Variants in PDE1A observed in about 807,000 individuals in gnomAD.
PDE1A encodes dual specificity calcium/calmodulin-dependent 3',5'-cyclic nucleotide phosphodiesterase 1A.
PDE1A carries 35 observed loss-of-function variants against 61.7 expected under a neutral mutation model. The ratio of observed to expected loss-of-function variants is 0.57; its 90% CI spans 0.43 to 0.75. The LOEUF (loss-of-function observed/expected upper bound fraction) is 0.75. Among genes scored for constraint, PDE1A ranks in the 30% least tolerant of loss-of-function variants. The probability of loss-of-function intolerance (pLI) is 0.00; values close to 1 mark genes in which losing one functional copy is unlikely to be tolerated. For synonymous variants in PDE1A, 232 were observed against 213.2 expected (o/e 1.09, Z -0.77); for missense variants, 597 against 630.6 (o/e 0.95, Z 0.57).
At chr2:182,282,553 A>T (rs557407685) in intron 1 of PDE1A, among the ~76,000 whole-genome samples, 1 of 152,174 alleles carries the variant, frequency 6.6e-6, no homozygotes, top group African/African-American at 2.4e-5. Flanking sequence ...TGCATGCAAC[A>T]CACTCAAACA....
At position 182,232,236 on chromosome 2, in the gene PDE1A, C is replaced by T. The variant is rs1379230106; in HGVS notation, c.418-1105G>A. ...GCAGGGATATAAACCACTCCAGCCA[C>T]CTCATGATTTTGCTTTGAAAATCTA... On this transcript the variant is annotated intron_variant, in intron 4 of 13. Transcript: ENST00000351439. 4.6e-5 allele frequency among the ~76,000 whole-genome samples: 7 copies of T among 152,168 alleles called. 1 individual carries two copies. Among genetic ancestry groups the T allele is most frequent in the Admixed American group, 3.3e-4 (5 of 15,272 alleles).
At chr2:182,651,005 GT>G in the PDE1A span, among the ~76,000 whole-genome samples, 2 of 151,982 alleles carry the variant, frequency 1.3e-5, no homozygotes, top group African/African-American at 4.8e-5. Context: ...TTTTTGTTTT[GT>G]TTTGTTTTGT....
intron 2 of PDE1A, among the ~76,000 whole-genome samples, chr2:182,516,003 T>TA (rs1553636540): frequency 7.6e-6 from 1 of 131,980 alleles, no homozygotes; most frequent in Non-Finnish European, 1.6e-5. Flanking sequence ...TGTGTGTGTG[T>TA]TGGGTGAGGA....
chr2:182,667,164 T>G, the PDE1A span, among the ~76,000 whole-genome samples: 1 of 152,150 alleles, frequency 6.6e-6, no homozygotes, highest in Non-Finnish European at 1.5e-5. Flanking sequence ...ACCTGCAGTT[T>G]CTGTTTTATA....
At chr2:182,184,226 G>A (rs558644103) in intron 13 of PDE1A, among the ~76,000 whole-genome samples, 18 of 149,404 alleles carry the variant, frequency 1.2e-4, no homozygotes, top group Admixed American at 1.1e-3. Flanking sequence ...TTAATTTGTG[G>A]ATTTAAGAAG....
At chr2:182,432,625 CT>C (rs772445509) in intron 2 of PDE1A, among the ~76,000 whole-genome samples, 16 of 152,048 alleles carry the variant, frequency 1.1e-4, no homozygotes, top group Non-Finnish European at 2.4e-4. Context: ...ATCTCATCAT[CT>C]TTTTATATAA....
At chr2:182,506,462 ATAATAT>A (rs1689418862) in intron 2 of PDE1A, among the ~76,000 whole-genome samples, 1 of 152,232 alleles carries the variant, frequency 6.6e-6, no homozygotes, top group African/African-American at 2.4e-5. Context: ...AACTGTTCTT[ATAATAT>A]TAATGCTTCT....
intron 2 of PDE1A, among the ~76,000 whole-genome samples, chr2:182,468,653 T>G (rs187173049): frequency 6.6e-6 from 1 of 152,112 alleles, no homozygotes; most frequent in Admixed American, 6.6e-5. Context: ...GGATTTGGAA[T>G]AGCAAATCCT....
chr2:182,465,729 A>G (rs2125784952), intron 2 of PDE1A, among the ~76,000 whole-genome samples: 1 of 152,212 alleles, frequency 6.6e-6, no homozygotes, highest in East Asian at 1.9e-4. Flanking sequence ...ACAGACAAAC[A>G]TGGAAGATAT....
At chr2:182,293,384 G>A (rs549444693) in intron 1 of PDE1A, among the ~76,000 whole-genome samples, 1 of 152,150 alleles carries the variant, frequency 6.6e-6, no homozygotes, top group Non-Finnish European at 1.5e-5. Context: ...CAGCAATTCT[G>A]CAGCAACATT....
chr2:182,397,702 G>A (rs999399915), intron 1 of PDE1A, among the ~76,000 whole-genome samples: 3 of 152,018 alleles, frequency 2.0e-5, no homozygotes, highest in African/African-American at 4.8e-5. Context: ...TTTAGTACTG[G>A]AGTCACATGT....
At chr2:182,189,758 A>C (rs1176095934) in intron 10 of PDE1A, among the ~76,000 whole-genome samples, 1 of 152,172 alleles carries the variant, frequency 6.6e-6, no homozygotes, top group Non-Finnish European at 1.5e-5. Flanking sequence ...TCATCTTCTA[A>C]AACAAAGGTT....
chr2:182,150,185 C>T (rs1173475769), intron 13 of PDE1A, among the ~76,000 whole-genome samples: 2 of 152,130 alleles, frequency 1.3e-5, no homozygotes, highest in Non-Finnish European at 2.9e-5. Flanking sequence ...TTCTTTCCTA[C>T]AAATGAGGAG....
rs2438288 is a variant in PDE1A at position 182,364,824 on chromosome 2, C to G, written c.53+61754G>C. On this transcript the variant is annotated intron_variant, in intron 1 of 13. Coordinates refer to ENST00000351439, the Ensembl canonical transcript of PDE1A. ...TGGTAGACATTGTATTCAGTTAATA[C>G]AATGACATTTTTGTATGTCTAAAAC... 3.3e-3 allele frequency among the ~76,000 whole-genome samples: 502 copies of G among 152,032 alleles called. 1 individual carries two copies. Among genetic ancestry groups the G allele is most frequent in the African/African-American group, 0.011 (469 of 41,536 alleles).
At chr2:182,206,497 C>T (rs998921824) in intron 7 of PDE1A, among the ~76,000 whole-genome samples, 1 of 152,198 alleles carries the variant, frequency 6.6e-6, no homozygotes, top group Non-Finnish European at 1.5e-5. Context: ...CATGTATCTA[C>T]TATTATAGTA....
intron 13 of PDE1A, among the ~76,000 whole-genome samples, chr2:182,162,816 C>A (rs1407818717): frequency 1.3e-5 from 2 of 152,014 alleles, no homozygotes; most frequent in Non-Finnish European, 2.9e-5. Flanking sequence ...GTCCAGTGGT[C>A]CCCGAACCCA....
the PDE1A span, among the ~76,000 whole-genome samples, chr2:182,675,926 T>C: frequency 6.6e-6 from 1 of 152,240 alleles, no homozygotes; most frequent in Non-Finnish European, 1.5e-5. Context: ...GTTGATAATT[T>C]CTTTTGCTGT....
chr2:182,418,382 T>A (rs899574380), intron 1 of PDE1A, among the ~76,000 whole-genome samples: 1 of 152,204 alleles, frequency 6.6e-6, no homozygotes, highest in African/African-American at 2.4e-5. Context: ...TTAAAACTTC[T>A]TAAACCAGGA....
chr2:182,663,769 G>T, the PDE1A span, among the ~76,000 whole-genome samples: 2 of 151,538 alleles, frequency 1.3e-5, no homozygotes, highest in Non-Finnish European at 2.9e-5. Flanking sequence ...CAACAAACCC[G>T]CATGACACAA....
Sources: gnomAD v4.1 joint callset for allele counts (sites outside exome capture counted in the v4.1 genomes callset) on GRCh38, gnomAD v4.1.1 for gene constraint, MANE v1.5 for transcripts, NCBI Gene and HGNC (gene_info 2026-07-23, HGNC 2026-07-21) for gene names.